DNAJC1: variants seen among roughly 807,000 people sequenced by gnomAD.
The protein encoded by DNAJC1 is dnaJ homolog subfamily C member 1.
Under a neutral mutation model 76.6 loss-of-function variants are expected in DNAJC1, and 58 were observed. That is an observed-to-expected ratio of 0.76 (90% confidence interval 0.61 to 0.94). DNAJC1 has a LOEUF of 0.94. Ranked by LOEUF, DNAJC1 falls within the 40% of genes least tolerant of loss-of-function variation. DNAJC1 has a pLI of 0.00. For synonymous variants in DNAJC1, 258 were observed against 267.9 expected (o/e 0.96, Z 0.36); for missense variants, 689 against 677.3 (o/e 1.02, Z -0.19).
At chr10:21,982,384 GA>G (rs1052845898) in intron 1 of DNAJC1, among the ~76,000 whole-genome samples, 1 of 151,760 alleles carries the variant, frequency 6.6e-6, no homozygotes, top group African/African-American at 2.4e-5. Context: ...GCAAAAAAAA[GA>G]AAAAAATAAT....
intron 1 of DNAJC1, among the ~76,000 whole-genome samples, chr10:21,956,435 A>G (rs1373223906): frequency 6.6e-6 from 1 of 152,072 alleles, no homozygotes; most frequent in African/African-American, 2.4e-5. Context: ...AAAAATTATT[A>G]ATTAACCATA....
intron 7 of DNAJC1, among the ~76,000 whole-genome samples, chr10:21,890,229 AT>A (rs1836439131): frequency 6.6e-6 from 1 of 151,978 alleles, no homozygotes; most frequent in South Asian, 2.1e-4. Context: ...CCTGGCCAAC[AT>A]GGTGAAACCC....
intron 8 of DNAJC1, among the ~76,000 whole-genome samples, chr10:21,874,684 T>C (rs1265361693): frequency 2.6e-5 from 4 of 152,174 alleles, no homozygotes; most frequent in Non-Finnish European, 4.4e-5. Flanking sequence ...TTTCTGATGA[T>C]ATGAAAATGT....
intron 10 of DNAJC1, among the ~76,000 whole-genome samples, chr10:21,765,884 A>T (rs143328377): frequency 2.2e-3 from 331 of 152,258 alleles, no homozygotes; most frequent in African/African-American, 7.3e-3. Context: ...GCTGTTAGCC[A>T]TTTATCCCAA....
chr10:21,986,303 C>T (rs1234157014), intron 1 of DNAJC1, among the ~76,000 whole-genome samples: 1 of 152,230 alleles, frequency 6.6e-6, no homozygotes, highest in Non-Finnish European at 1.5e-5. Context: ...TTTCCACATC[C>T]TCACCAGTGC....
At chr10:21,871,313 C>T (rs964401687) in intron 8 of DNAJC1, among the ~76,000 whole-genome samples, 2 of 146,948 alleles carry the variant, frequency 1.4e-5, no homozygotes, top group Non-Finnish European at 3.0e-5. Flanking sequence ...TCACCTGCTG[C>T]TGACATTAAG....
intron 1 of DNAJC1, among the ~76,000 whole-genome samples, chr10:21,988,781 G>C (rs1458972225): frequency 6.6e-6 from 1 of 152,100 alleles, no homozygotes; most frequent in Non-Finnish European, 1.5e-5. Flanking sequence ...TATTTATAAA[G>C]GGTCAACATG....
rs761522920 is a variant in DNAJC1, at chr10:21,871,709, G to A, written c.978+10573C>T. On this transcript the variant is annotated intron_variant, in intron 8 of 11. Coordinates refer to ENST00000376980, the MANE Select transcript of DNAJC1 (RefSeq NM_022365.4). The stretch of plus-strand genomic sequence containing the variant: ...GTCATCCAGGCTGGAGTGCAGTGGC[G>A]TGATCTCTTCTCACTGCAACCTCTG... Among the ~76,000 whole-genome samples, 9 of 151,992 alleles carry A rather than the reference G, an allele frequency of 5.9e-5. No homozygotes were observed. In the South Asian group the frequency reaches 6.2e-4, roughly 11 times the overall value.
chr10:21,786,463 T>TATATATATAGAGAG (rs1332368009), intron 9 of DNAJC1, among the ~76,000 whole-genome samples: 1 of 23,406 alleles, frequency 4.3e-5, no homozygotes, highest in Non-Finnish European at 7.6e-5. Flanking sequence ...TATATATATA[T>TATATATATAGAGAG]AGAGAGAGAG....
At chr10:21,897,835 C>T (rs549771645) in intron 7 of DNAJC1, among the ~76,000 whole-genome samples, 1 of 152,280 alleles carries the variant, frequency 6.6e-6, no homozygotes, top group Admixed American at 6.5e-5. Flanking sequence ...CCCACTCCCA[C>T]CACACTTTGT....
At chr10:21,884,936 C>G (rs1836345557) in intron 7 of DNAJC1, among the ~76,000 whole-genome samples, 1 of 152,044 alleles carries the variant, frequency 6.6e-6, no homozygotes, top group Non-Finnish European at 1.5e-5. Flanking sequence ...AGACCAGTGT[C>G]ACTATAAATC....
At chr10:21,787,989 C>T (rs1025135018) in intron 9 of DNAJC1, among the ~76,000 whole-genome samples, 14 of 152,192 alleles carry the variant, frequency 9.2e-5, no homozygotes, top group African/African-American at 3.4e-4. Flanking sequence ...TCCCTTCATC[C>T]CTGAGGCTAC....
At chr10:21,861,236 C>T (rs1835913097) in intron 8 of DNAJC1, among the ~76,000 whole-genome samples, 1 of 151,822 alleles carries the variant, frequency 6.6e-6, no homozygotes, top group Admixed American at 6.6e-5. Flanking sequence ...GGTAAATTAT[C>T]CAGTAAAAAT....
intron 6 of DNAJC1, among the ~76,000 whole-genome samples, chr10:21,906,562 C>T (rs751243687): frequency 6.6e-6 from 1 of 151,980 alleles, no homozygotes; most frequent in Non-Finnish European, 1.5e-5. Flanking sequence ...AAGAAGGGCA[C>T]AGATTAGTTA....
chr10:21,932,298 C>T (rs1424792372), intron 1 of DNAJC1, among the ~76,000 whole-genome samples: 1 of 152,154 alleles, frequency 6.6e-6, no homozygotes, highest in Admixed American at 6.5e-5. Context: ...CACGATTGCA[C>T]CACTACACTC....
chr10:21,905,947 G>T (rs1340395690), intron 6 of DNAJC1, among the ~76,000 whole-genome samples: 1 of 152,076 alleles, frequency 6.6e-6, no homozygotes, highest in African/African-American at 2.4e-5. Flanking sequence ...CAAAATCTTT[G>T]ACACTACTTT....
intron 1 of DNAJC1, among the ~76,000 whole-genome samples, chr10:21,980,215 T>C (rs556212451): frequency 6.6e-6 from 1 of 152,056 alleles, no homozygotes; most frequent in African/African-American, 2.4e-5. Flanking sequence ...CACACATATA[T>C]TTCCTAGTTC....
chr10:22,003,673 T>C lies in DNAJC1; in HGVS notation c.-239A>G. 2.4e-6 allele frequency: 1 copy of C among 411,808 alleles called. No homozygotes were observed. Among genetic ancestry groups the C allele is most frequent in the Non-Finnish European group, 4.1e-6 (1 of 241,918 alleles). 25.5% of individuals were successfully genotyped at this position (411,808 alleles called of 1,614,324 possible). ...AGCCAGCGCTACGTTCCGAAGACCCTCGCCCCCAGGCCTACACACAGCTGT... is the reference window on the plus strand; with the variant it reads ...AGCCAGCGCTACGTTCCGAAGACCCCCGCCCCCAGGCCTACACACAGCTGT... On this transcript the variant is annotated 5_prime_UTR_variant, in exon 1 of 12. Coordinates refer to ENST00000376980, the MANE Select transcript of DNAJC1 (RefSeq NM_022365.4).
At chr10:21,835,116 CTCT>C (rs1185424905) in intron 8 of DNAJC1, among the ~76,000 whole-genome samples, 1 of 152,128 alleles carries the variant, frequency 6.6e-6, no homozygotes, top group Non-Finnish European at 1.5e-5. Context: ...CCGGGTACTC[CTCT>C]GAGACAAAAC....
Sources: gnomAD v4.1 joint callset for allele counts (sites outside exome capture counted in the v4.1 genomes callset) on GRCh38, gnomAD v4.1.1 for gene constraint, MANE v1.5 for transcripts, NCBI Gene and HGNC (gene_info 2026-07-23, HGNC 2026-07-21) for gene names.